OTUD7B: variants seen among roughly 807,000 people sequenced by gnomAD.
The protein encoded by OTUD7B is OTU deubiquitinase 7B.
A neutral mutation model predicts 82.2 loss-of-function variants in OTUD7B; 34 were observed. The observed-to-expected ratio is 0.41, with a 90% CI of 0.31 to 0.55. The LOEUF (loss-of-function observed/expected upper bound fraction) is 0.55. OTUD7B is among the 20% of genes least tolerant of loss of function. The pLI is 0.20. For synonymous variants in OTUD7B, 398 were observed against 402.7 expected, an observed-to-expected ratio of 0.99 and a Z score of 0.14; for missense variants, 944 against 1,062.1, an observed-to-expected ratio of 0.89 and a Z score of 1.55.
At chr1:149,990,694 A>T (rs1261741182) in intron 1 of OTUD7B, among the ~76,000 whole-genome samples, 1 of 152,210 alleles carries the variant, frequency 6.6e-6, no homozygotes, top group Non-Finnish European at 1.5e-5. Context: ...ATATACACAT[A>T]GAAAAGTTTA....
the OTUD7B span, among the ~76,000 whole-genome samples, chr1:150,016,486 C>T: frequency 7.1e-6 from 1 of 140,682 alleles, no homozygotes; most frequent in East Asian, 2.0e-4. Context: ...CAGAGTCTCG[C>T]TTTTGTCGCC....
chr1:149,991,421 T>C (rs587711328), intron 1 of OTUD7B, among the ~76,000 whole-genome samples: 1 of 152,290 alleles, frequency 6.6e-6, no homozygotes, highest in South Asian at 2.1e-4. Flanking sequence ...TATAACACAA[T>C]CTGATAGTTC....
upstream of OTUD7B, among the ~76,000 whole-genome samples, chr1:150,015,012 A>G (rs1236710515): frequency 6.6e-6 from 1 of 152,180 alleles, no homozygotes; most frequent in African/African-American, 2.4e-5. Flanking sequence ...TACTTCACCC[A>G]TCAGATTCTG....
chr1:150,064,918 G>A, the OTUD7B span, among the ~76,000 whole-genome samples: 1 of 152,250 alleles, frequency 6.6e-6, no homozygotes, highest in Non-Finnish European at 1.5e-5. Context: ...TTGAAGCCTT[G>A]AGCTCTGGTG....
the OTUD7B span, among the ~76,000 whole-genome samples, chr1:150,051,973 C>G: frequency 2.0e-5 from 3 of 152,246 alleles, no homozygotes; most frequent in African/African-American, 7.2e-5. Flanking sequence ...ATATTATGCT[C>G]TCTTCATGTT....
chr1:150,031,555 G>A, the OTUD7B span, among the ~76,000 whole-genome samples: 39,773 of 152,118 alleles, frequency 0.26, 7,825 homozygotes, highest in African/African-American at 0.55. Context: ...CATTTTTATT[G>A]TTGAAAAAAT....
At chr1:150,000,519 T>A (rs1652208669) in intron 1 of OTUD7B, among the ~76,000 whole-genome samples, 1 of 150,070 alleles carries the variant, frequency 6.7e-6, no homozygotes, top group Non-Finnish European at 1.5e-5. Context: ...ACAGGACAAG[T>A]GGGGAGGGCA....
the OTUD7B span, among the ~76,000 whole-genome samples, chr1:150,055,384 C>CAAAAAA: frequency 1.8e-4 from 27 of 150,628 alleles, no homozygotes; most frequent in African/African-American, 6.3e-4. Context: ...TAACTGATAA[C>CAAAAAA]AAAAAAAAAT....
the OTUD7B span, among the ~76,000 whole-genome samples, chr1:150,043,260 C>T: frequency 6.6e-6 from 1 of 152,082 alleles, no homozygotes; most frequent in Non-Finnish European, 1.5e-5. Flanking sequence ...CCCTGATAAG[C>T]TTCAGTTAAG....
intron 1 of OTUD7B, among the ~76,000 whole-genome samples, chr1:149,981,085 G>A (rs1218441025): frequency 6.0e-5 from 9 of 149,970 alleles, no homozygotes; most frequent in African/African-American, 2.0e-4. Flanking sequence ...GGGAGGAGGA[G>A]GAGGAGGAAG....
Position 149,944,082 on chromosome 1 carries a change from G to T in OTUD7B, c.2307C>A (p.Tyr769Ter). The T allele has an allele frequency of 6.2e-7, 1 of 1,614,088 alleles. No individual in the cohort carries two copies. Among genetic ancestry groups the T allele is most frequent in the Non-Finnish European group, 8.5e-7 (1 of 1,179,970 alleles). Reference protein sequence around the residue: ...LHRGALLPPPYRVADSYSNGY... With the variant: ...LHRGALLPPP ...CATTGCTATAGGAATCAGCCACTCG[G>T]TAGGGGGGTGGTAACAAGGCACCCC... The change falls in exon 12 of 12, where the codon TAC becomes TAA. Residue 769 changes from tyrosine to a stop codon, truncating the protein, a stop_gained. Coordinates refer to ENST00000581312, the MANE Select transcript of OTUD7B (RefSeq NM_020205.4). LOFTEE classifies it high-confidence loss of function.
the OTUD7B span, chr1:150,054,480 A>G: frequency 2.0e-6 from 1 of 504,920 alleles, no homozygotes; most frequent in Non-Finnish European, 3.9e-6. Context: ...AGCAATGTAA[A>G]AATCCCAAAA....
intron 2 of OTUD7B, among the ~76,000 whole-genome samples, chr1:149,976,591 A>G (rs1650327017): frequency 1.5e-5 from 2 of 136,296 alleles, no homozygotes; most frequent in African/African-American, 5.7e-5. Flanking sequence ...AGCCTGGGCA[A>G]CAACAGCAAA....
chr1:150,055,256 T>A, the OTUD7B span, among the ~76,000 whole-genome samples: 1 of 152,098 alleles, frequency 6.6e-6, no homozygotes, highest in East Asian at 1.9e-4. Context: ...GTCAAGATAG[T>A]CTCGATCTCC....
chr1:149,951,001 T>TTTTTTTTTTTTTTTG lies in OTUD7B; in HGVS notation c.846-781_846-780insCAAAAAAAAAAAAAA, dbSNP rs1388877490. Among the ~76,000 whole-genome samples, 3 of 63,720 alleles carry TTTTTTTTTTTTTTTG rather than the reference T, an allele frequency of 4.7e-5. 1 individual carries two copies. Among genetic ancestry groups the TTTTTTTTTTTTTTTG allele is most frequent in the Admixed American group, 2.6e-4 (1 of 3,840 alleles). The allele number at this position is 63,720 out of a possible 152,430, so 41.8% of individuals were successfully genotyped here. On this transcript the variant is annotated intron_variant, in intron 7 of 11. Coordinates refer to ENST00000581312, the MANE Select transcript of OTUD7B (RefSeq NM_020205.4). The stretch of plus-strand genomic sequence containing the variant: ...TATTTTTTTTTTTTTTTTTTTTTTG[T>TTTTTTTTTTTTTTTG]AGATGGAGTCTCACTCTTTCGCCCA...
the OTUD7B span, among the ~76,000 whole-genome samples, chr1:150,017,469 T>C: frequency 4.6e-5 from 7 of 152,174 alleles, no homozygotes; most frequent in Non-Finnish European, 8.8e-5. Flanking sequence ...GCCAGTTCCT[T>C]AGGCTATGAG....
chr1:150,039,868 T>C, the OTUD7B span, among the ~76,000 whole-genome samples: 2 of 152,254 alleles, frequency 1.3e-5, no homozygotes, highest in Admixed American at 6.5e-5. Context: ...AGCCATTTTA[T>C]TGCACTCTCA....
intron 7 of OTUD7B, among the ~76,000 whole-genome samples, chr1:149,952,026 T>A (rs1369195343): frequency 6.6e-6 from 1 of 152,076 alleles, no homozygotes; most frequent in East Asian, 1.9e-4. Context: ...TAGAGTAGCA[T>A]GGGAACTGCT....
chr1:149,942,641 A>C lies in OTUD7B; in HGVS notation c.*1216T>G, dbSNP rs1452384219. ...CAACATCAGTCCTAATATCAAAAATATCTCTTCTTAGAAAGTATTTTTAAT... is the reference window on the plus strand; with the variant it reads ...CAACATCAGTCCTAATATCAAAAATCTCTCTTCTTAGAAAGTATTTTTAAT... On this transcript the variant is annotated 3_prime_UTR_variant, in exon 12 of 12. Coordinates refer to ENST00000581312, the MANE Select transcript of OTUD7B (RefSeq NM_020205.4). 1 of 152,656 alleles carries C rather than the reference A, an allele frequency of 6.6e-6. No individual in the cohort carries two copies. The highest frequency in any genetic ancestry group is 2.4e-5 in the African/African-American group (1 of 41,454). The allele number at this position is 152,656 out of a possible 1,614,324, so 9.5% of individuals were successfully genotyped here.
Sources: allele counts gnomAD v4.1 joint callset (sites outside exome capture counted in the v4.1 genomes callset), GRCh38; gene constraint gnomAD v4.1.1; transcripts MANE v1.5; gene names NCBI Gene and HGNC (gene_info 2026-07-23, HGNC 2026-07-21).